ZNF445: variants seen among roughly 807,000 people sequenced by gnomAD.
The protein encoded by ZNF445 is zinc finger protein 445.
A neutral mutation model predicts 93.9 loss-of-function variants in ZNF445; 19 were observed. The ratio of observed to expected loss-of-function variants is 0.20; its 90% CI spans 0.14 to 0.30. ZNF445 has a LOEUF of 0.30. Ranked by LOEUF, ZNF445 falls within the 10% of genes least tolerant of loss-of-function variation. The pLI, the probability that ZNF445 is intolerant of heterozygous loss-of-function variation, is 1.00. For synonymous variants in ZNF445, 449 were observed against 446.3 expected (o/e 1.01, Z -0.08); for missense variants, 1,058 against 1,259.4 (o/e 0.84, Z 2.42).
chr3:44,446,301 A>G lies in ZNF445; in HGVS notation c.*274T>C, dbSNP rs1310420557. On this transcript the variant is annotated 3_prime_UTR_variant, in exon 8 of 8. Transcript: ENST00000396077. This position sits in a 1 kb window ranked among gnomAD's most constrained non-coding sequence, Gnocchi z 4.2. The stretch of plus-strand genomic sequence containing the variant: ...TTCAGAGTTGTGGAAGGAGACCTGA[A>G]TAGGGGAGCCGCAGGCTATGGTGCA... 5 of 453,580 alleles carry G rather than the reference A, an allele frequency of 1.1e-5. No homozygotes were observed. The highest frequency in any genetic ancestry group is 1.6e-5 in the Non-Finnish European group (4 of 252,954). The allele number at this position is 453,580 out of a possible 1,614,324, so 28.1% of individuals were successfully genotyped here. A position where few individuals can be genotyped will look rare whatever the true frequency, so the allele number is the denominator to read the frequency against.
rs539104868 is a variant in ZNF445 at position 44,475,670 on chromosome 3, G to A, written c.-269+1921C>T. Among the ~76,000 whole-genome samples the A allele has an allele frequency of 7.7e-4, 117 of 152,266 alleles. 2 individuals are homozygous for A. The South Asian group carries it at 0.014, about 18-fold the overall frequency. The stretch of plus-strand genomic sequence containing the variant: ...GAGGCGTCTATGAGGAGACAGATTC[G>A]TGGTATGCTAAACAGTGACAGCTGC... On this transcript the variant is annotated intron_variant, in intron 1 of 7. Coordinates refer to ENST00000396077, the MANE Select transcript of ZNF445 (RefSeq NM_181489.6).
intron 1 of ZNF445, among the ~76,000 whole-genome samples, chr3:44,472,577 A>G (rs1419549608): frequency 6.6e-6 from 1 of 152,238 alleles, no homozygotes; most frequent in Non-Finnish European, 1.5e-5. Context: ...CTGTGAATAT[A>G]GTGAGGATTC....
chr3:44,450,686 T>G, intron 5 of ZNF445, 113 bp from the exon 6 acceptor site: 1 of 1,446,654 alleles, frequency 6.9e-7, no homozygotes, highest in East Asian at 2.3e-5. Flanking sequence ...CTGGCAAAGG[T>G]GAAAGGGAAG....
rs775008711 is a variant in ZNF445, at chr3:44,447,945, C to T, written c.1726G>A (p.Ala576Thr). 1.9e-6 allele frequency: 3 copies of T among 1,613,374 alleles called. No homozygotes were observed. Among genetic ancestry groups the T allele is most frequent in the Non-Finnish European group, 2.5e-6 (3 of 1,180,006 alleles). The change falls in exon 8 of 8, where the codon GCA becomes ACA. Residue 576 changes from alanine (A) to threonine (T), a missense_variant. Ala to Thr is a moderately conservative substitution (Grantham distance 58). Coordinates refer to ENST00000396077, the MANE Select transcript of ZNF445 (RefSeq NM_181489.6). The surrounding 1 kb of genome is among the most constrained non-coding windows in gnomAD (Gnocchi z 4.7). ...AACCCTGAGCTGTAGGTGAGAGCTG[C>T]CCTATACTGATTCAATTCAAGAAAT... ...KKFLELNQYRAALTYSSGFDH... is the reference protein window; with the variant it reads ...KKFLELNQYRTALTYSSGFDH...
At chr3:44,453,535 TCTGCCCGCC>T (rs1697984958) in intron 3 of ZNF445, among the ~76,000 whole-genome samples, 2 of 150,638 alleles carry the variant, frequency 1.3e-5, no homozygotes, top group South Asian at 4.2e-4. Flanking sequence ...CCTCAACTGA[TCTGCCCGCC>T]TTGGCCTCCC....
In ZNF445 at chr3:44,450,921, C is replaced by T; in HGVS notation, c.640G>A (p.Gly214Arg). The change falls in exon 5 of 8, where the codon GGG becomes AGG. Residue 214 changes from glycine to arginine, a missense_variant. Physicochemically the swap from Gly to Arg is moderately radical, Grantham distance 125. Around this residue, in one of 3 missense-constraint regions of ZNF445, gnomAD observed 657 missense variants for 746.4 expected, o/e 0.88. Transcript: ENST00000396077. ...AQMPALFPRE[G>R]CPGDQVTPTR... Reference sequence around the variant, plus strand: ...GGTGTTACCTGGTCTCCCGGGCACCCCTCTCTCGGGAAAAGGGCAGGCATC... The same window carrying T: ...GGTGTTACCTGGTCTCCCGGGCACCTCTCTCTCGGGAAAAGGGCAGGCATC... 1 of 1,599,622 alleles carries T rather than the reference C, an allele frequency of 6.3e-7. No homozygotes were observed. Among genetic ancestry groups the T allele is most frequent in the South Asian group, 1.1e-5 (1 of 88,308 alleles).
chr3:44,440,833 A>G lies in ZNF445; in HGVS notation c.*5742T>C, dbSNP rs1697797668. 6.6e-6 allele frequency: 1 copy of G among 152,102 alleles called. No homozygotes were observed. Among genetic ancestry groups the G allele is most frequent in the Non-Finnish European group, 1.5e-5 (1 of 68,010 alleles). The allele number at this position is 152,102 out of a possible 1,614,324, so 9.4% of individuals were successfully genotyped here. A position where few individuals can be genotyped will look rare whatever the true frequency, so the allele number is the denominator to read the frequency against. On this transcript the variant is annotated 3_prime_UTR_variant, in exon 8 of 8. Coordinates refer to ENST00000396077, the MANE Select transcript of ZNF445 (RefSeq NM_181489.6). ...GTAGATTATTCATAAGTTTCCCGGG[A>G]AAGGTGTGAGCAATTACCAGAACTG...
intron 1 of ZNF445, among the ~76,000 whole-genome samples, chr3:44,459,526 A>T (rs144421891): frequency 1.9e-3 from 295 of 152,346 alleles, no homozygotes; most frequent in Middle Eastern, 6.8e-3. Flanking sequence ...CTAAAATTCA[A>T]GCAAATGACT....
chr3:44,476,732 C>G (rs576848396), intron 1 of ZNF445, among the ~76,000 whole-genome samples: 2 of 152,148 alleles, frequency 1.3e-5, no homozygotes, highest in African/African-American at 2.4e-5. Context: ...TAGAGCTCTG[C>G]CTTTGTTTAA....
chr3:44,457,787 G>C, intron 2 of ZNF445, among the ~76,000 whole-genome samples: 1 of 151,906 alleles, frequency 6.6e-6, no homozygotes, highest in Non-Finnish European at 1.5e-5. Context: ...TGGATCACGA[G>C]GTCAGAAGTT....
At chr3:44,470,678 G>C (rs892320872) in intron 1 of ZNF445, among the ~76,000 whole-genome samples, 7 of 152,196 alleles carry the variant, frequency 4.6e-5, no homozygotes, top group African/African-American at 2.4e-5. Flanking sequence ...TCCTCTGGGA[G>C]GTGGGATGAA....
rs1697957138 is a variant in ZNF445, at chr3:44,451,499, G to A, written c.430-17C>T. The A allele has an allele frequency of 3.8e-6, 6 of 1,588,694 alleles. No homozygotes were observed. The African/African-American group carries it at 4.0e-5, about 11-fold the overall frequency. On this transcript the variant is annotated splice_polypyrimidine_tract_variant and intron_variant, in intron 3 of 7. Coordinates refer to ENST00000396077, the MANE Select transcript of ZNF445 (RefSeq NM_181489.6). ...GCCCGGGTCCTGGCAAGAAGAAAAT[G>A]TTGTGAGAGGATCTTTCTGGGAATC...
At position 44,477,646 on chromosome 3, in the gene ZNF445, C is replaced by T. The variant is rs1459007678; in HGVS notation, c.-324G>A. On this transcript the variant is annotated 5_prime_UTR_variant, in exon 1 of 8. Transcript: ENST00000396077. ...ACCCGCCGCCACCGCAGCCGCCCGT[C>T]CCGCGCCTACCTCCCGGCGGCTCCA... The T allele has an allele frequency of 1.3e-5, 2 of 152,686 alleles. No individual in the cohort carries two copies. The highest frequency in any genetic ancestry group is 2.9e-5 in the Non-Finnish European group (2 of 68,174). The allele number at this position is 152,686 out of a possible 1,614,324, so 9.5% of individuals were successfully genotyped here.
chr3:44,461,049 T>TG (rs199914850), intron 1 of ZNF445, among the ~76,000 whole-genome samples: 1,668 of 152,282 alleles, frequency 0.011, 35 homozygotes, highest in African/African-American at 0.038. Context: ...GAAATAGTCC[T>TG]GGGGGGACAT....
intron 1 of ZNF445, among the ~76,000 whole-genome samples, chr3:44,463,431 C>T (rs1033361928): frequency 6.6e-6 from 1 of 152,122 alleles, no homozygotes; most frequent in Non-Finnish European, 1.5e-5. Flanking sequence ...CCACAGACCC[C>T]GTTTTGGGGG....
rs150902671 is a variant in ZNF445, at chr3:44,447,727, C to T, written c.1944G>A (p.Glu648=). The change falls in exon 8 of 8, where the codon GAG becomes GAA. Residue 648 remains glutamate (E), a synonymous_variant. Transcript: ENST00000396077. This position sits in a 1 kb window ranked among gnomAD's most constrained non-coding sequence, Gnocchi z 4.7. The part of the protein sequence containing the change: ...SNFTRHMRLH[E]EEKFYKQDEC... The stretch of plus-strand genomic sequence containing the variant: ...CATCTTGTTTGTAGAATTTTTCCTC[C>T]TCATGCAACCTCATATGACGAGTAA... 33 of 1,614,072 alleles carry T rather than the reference C, an allele frequency of 2.0e-5. No individual in the cohort carries two copies. In the African/African-American group the frequency reaches 4.3e-4, roughly 21 times the overall value.
intron 1 of ZNF445, among the ~76,000 whole-genome samples, chr3:44,476,191 T>C (rs1698349652): frequency 6.6e-6 from 1 of 152,226 alleles, no homozygotes. Flanking sequence ...TGTTTTACTA[T>C]AGTTTACTCT....
chr3:44,469,112 T>C (rs902869702), intron 1 of ZNF445, among the ~76,000 whole-genome samples: 7 of 151,900 alleles, frequency 4.6e-5, no homozygotes, highest in African/African-American at 1.2e-4. Context: ...AGAATTGTTA[T>C]ACATCAACAT....
rs151098489 is a variant in ZNF445 at position 44,433,808 on chromosome 3, T to C, written c.*12767A>G. The C allele has an allele frequency of 0.011, 1,737 of 152,446 alleles. 28 individuals are homozygous for C. Among genetic ancestry groups the C allele is most frequent in the African/African-American group, 0.038 (1,566 of 41,580 alleles). The allele number at this position is 152,446 out of a possible 1,614,324, so 9.4% of individuals were successfully genotyped here. A position where few individuals can be genotyped will look rare whatever the true frequency, so the allele number is the denominator to read the frequency against. ...CACACTTAGAATGGCCTCCGCCTGC[T>C]ATCTTGCTCTGCTGTCAGGGTCTTG... On this transcript the variant is annotated 3_prime_UTR_variant, in exon 8 of 8. Coordinates refer to ENST00000396077, the MANE Select transcript of ZNF445 (RefSeq NM_181489.6).
Sources: gnomAD v4.1 joint callset for allele counts (sites outside exome capture counted in the v4.1 genomes callset) on GRCh38, gnomAD v4.1.1 for gene constraint, gnomAD v4.1.1 regional missense constraint, Gnocchi (gnomAD v3.1) non-coding constraint, MANE v1.5 for transcripts, NCBI Gene and HGNC (gene_info 2026-07-23, HGNC 2026-07-21) for gene names.